Variants in IREB2 observed in about 807,000 individuals in gnomAD.
The protein encoded by IREB2 is iron-responsive element-binding protein 2.
Under a neutral mutation model 118.8 loss-of-function variants are expected in IREB2, and 39 were observed. That is an observed-to-expected ratio of 0.33 (90% CI 0.25 to 0.43). The LOEUF is 0.43. Among genes scored for constraint, IREB2 ranks in the 20% least tolerant of loss-of-function variants. IREB2 has a pLI of 1.00. For synonymous variants in IREB2, 372 were observed against 392.2 expected (o/e 0.95, Z 0.61); for missense variants, 900 against 1,147.3 (o/e 0.78, Z 3.11).
At position 78,499,375 on chromosome 15, in the gene IREB2, T is replaced by C. The variant is rs1406525682; in HGVS notation, c.*1232T>C. 1.3e-5 allele frequency: 2 copies of C among 152,210 alleles called. No homozygotes were observed. Among genetic ancestry groups the C allele is most frequent in the Non-Finnish European group, 2.9e-5 (2 of 68,030 alleles). 9.4% of individuals were successfully genotyped at this position (152,210 alleles called of 1,614,324 possible). On this transcript the variant is annotated 3_prime_UTR_variant, in exon 22 of 22. Transcript: ENST00000258886. ...TATAGAAGGTTCTATACTGTTTTTTTAATTAAGAAACTAAGTCTAGCAGGC... is the reference window on the plus strand; with the variant it reads ...TATAGAAGGTTCTATACTGTTTTTTCAATTAAGAAACTAAGTCTAGCAGGC...
chr15:78,450,730 C>G (rs746863535), intron 2 of IREB2, among the ~76,000 whole-genome samples: 8 of 152,016 alleles, frequency 5.3e-5, no homozygotes, highest in Non-Finnish European at 8.8e-5. Context: ...GTGCCTCAGT[C>G]CAGGTACTGG....
chr15:78,478,949 T>C (rs2051521566), intron 10 of IREB2, among the ~76,000 whole-genome samples: 1 of 152,182 alleles, frequency 6.6e-6, no homozygotes, highest in East Asian at 1.9e-4. Flanking sequence ...CTTTTTGTTT[T>C]GCTTTTTGAG....
intron 2 of IREB2, among the ~76,000 whole-genome samples, chr15:78,462,650 G>A (rs945221893): frequency 6.6e-6 from 1 of 152,052 alleles, no homozygotes; most frequent in African/African-American, 2.4e-5. Context: ...CATAGTTGCA[G>A]TATGATATTC....
At chr15:78,438,633 C>T (rs2050794096) in intron 1 of IREB2, 3 of 479,398 alleles carry the variant, frequency 6.3e-6, no homozygotes, top group Non-Finnish European at 1.1e-5. Flanking sequence ...TGGCCGCTGC[C>T]TGCTGCCAGC....
chr15:78,459,375 A>C (rs1308457651), intron 2 of IREB2, among the ~76,000 whole-genome samples: 1 of 151,232 alleles, frequency 6.6e-6, no homozygotes, highest in Non-Finnish European at 1.5e-5. Flanking sequence ...TTTGAGACAG[A>C]GTCTCGCTCT....
chr15:78,452,652 A>G (rs1438538942), intron 2 of IREB2, among the ~76,000 whole-genome samples: 1 of 152,134 alleles, frequency 6.6e-6, no homozygotes, highest in African/African-American at 2.4e-5. Flanking sequence ...CACACCTGTA[A>G]TCTCAGCACT....
At chr15:78,484,596 A>G (rs539135595) in intron 11 of IREB2, among the ~76,000 whole-genome samples, 165 bp from the exon 12 acceptor site, 7 of 152,370 alleles carry the variant, frequency 4.6e-5, no homozygotes, top group Admixed American at 4.6e-4. Context: ...TTTATGCTTC[A>G]GCTGAATTAC....
Position 78,485,769 on chromosome 15 carries a change from A to G in IREB2, c.1638A>G (p.Leu546=). ...LRVKPYIRTS[L]SPGSGMVTHY... is the part of the protein sequence containing the mutation. ...TTAAACCTTATATAAGAACAAGTTTATCTCCAGGCAGTGGGATGGTTACAC... is the reference window on the plus strand; with the variant it reads ...TTAAACCTTATATAAGAACAAGTTTGTCTCCAGGCAGTGGGATGGTTACAC... The change falls in exon 13 of 22, where the codon TTA becomes TTG. Residue 546 remains leucine, a synonymous_variant. Transcript: ENST00000258886. The G allele has an allele frequency of 1.9e-6, 3 of 1,614,044 alleles. No individual in the cohort carries two copies. The highest frequency in any genetic ancestry group is 2.2e-5 in the South Asian group (2 of 91,080).
chr15:78,437,801 G>A (rs1446461783), upstream of IREB2: 1 of 153,586 alleles, frequency 6.5e-6, no homozygotes, highest in East Asian at 1.9e-4. Context: ...TTGAAAACAC[G>A]CGTGTGGGCC....
intron 13 of IREB2, among the ~76,000 whole-genome samples, chr15:78,486,144 C>T (rs1161036102): frequency 1.3e-5 from 2 of 152,106 alleles, no homozygotes; most frequent in Admixed American, 1.3e-4. Context: ...GTGTAAGAAA[C>T]GATACCAAGT....
chr15:78,462,062 CTTA>C (rs2051206473), intron 2 of IREB2, among the ~76,000 whole-genome samples: 1 of 151,958 alleles, frequency 6.6e-6, no homozygotes, highest in Non-Finnish European at 1.5e-5. Context: ...ATTTGATGAT[CTTA>C]TGTTTATTTT....
Position 78,471,942 on chromosome 15 carries a change from T to G in IREB2, c.883+18T>G. ...GGGGTGGGGTAAGTAAATGACTAAA[T>G]ATATTTCATTTCTTTTGGGGTAAGG... On this transcript the variant is annotated intron_variant, in intron 7 of 21. Coordinates refer to ENST00000258886, the MANE Select transcript of IREB2 (RefSeq NM_004136.4). 6.6e-7 allele frequency: 1 copy of G among 1,504,540 alleles called. No homozygotes were observed. Among genetic ancestry groups the G allele is most frequent in the South Asian group, 1.4e-5 (1 of 73,188 alleles). The allele number at this position is 1,504,540 out of a possible 1,614,324, so 93.2% of individuals were successfully genotyped here.
chr15:78,497,944 TCATTAA>T (rs1299089199), intron 21 of IREB2, 83 bp from the exon 22 acceptor site: 3 of 701,452 alleles, frequency 4.3e-6, no homozygotes, highest in Non-Finnish European at 7.6e-6. Context: ...GCAAGTATAG[TCATTAA>T]ATATGAAGAC....
At chr15:78,452,602 G>A (rs2051043948) in intron 2 of IREB2, among the ~76,000 whole-genome samples, 1 of 152,118 alleles carries the variant, frequency 6.6e-6, no homozygotes, top group Non-Finnish European at 1.5e-5. Context: ...GGCCTACCTA[G>A]AAGTGTTAAG....
Position 78,490,459 on chromosome 15 carries a change from A to C in IREB2, c.2114A>C (p.Asp705Ala). The C allele has an allele frequency of 6.2e-7, 1 of 1,608,028 alleles. No homozygotes were observed. The highest frequency in any genetic ancestry group is 8.5e-7 in the Non-Finnish European group (1 of 1,178,406). Reference sequence around the variant, plus strand: ...CGGTGGAATTCCTTAGAAGCACCGGATTCAGTTTTGTTTCCATGGGACTTA... The same window carrying C: ...CGGTGGAATTCCTTAGAAGCACCGGCTTCAGTTTTGTTTCCATGGGACTTA... ...NKRWNSLEAP[D>A]SVLFPWDLKS... The change falls in exon 17 of 22, where the codon GAT becomes GCT. Residue 705 changes from aspartate (D) to alanine (A), a missense_variant. Coordinates refer to ENST00000258886, the MANE Select transcript of IREB2 (RefSeq NM_004136.4).
At chr15:78,488,988 A>C (rs763663325) in intron 16 of IREB2, among the ~76,000 whole-genome samples, 1 of 152,176 alleles carries the variant, frequency 6.6e-6, no homozygotes, top group Non-Finnish European at 1.5e-5. Flanking sequence ...GGGAGGCTGA[A>C]GCAGGTTGAT....
chr15:78,438,575 G>A, intron 1 of IREB2: 2 of 573,368 alleles, frequency 3.5e-6, no homozygotes, highest in South Asian at 4.2e-5. Context: ...ACACCCGCAG[G>A]GCGGGCCACC....
intron 13 of IREB2, 91 bp downstream of exon 13, chr15:78,485,931 T>C (rs909330330): frequency 9.2e-7 from 1 of 1,082,230 alleles, no homozygotes; most frequent in Non-Finnish European, 1.3e-6. Context: ...AAAGAGAAGA[T>C]AGAAAAAATA....
At chr15:78,472,390 A>G (rs761514687) in intron 7 of IREB2, among the ~76,000 whole-genome samples, 3 of 149,508 alleles carry the variant, frequency 2.0e-5, no homozygotes, top group Non-Finnish European at 4.4e-5. Context: ...TTTTGGAGAC[A>G]GCATCTTGCT....
Sources: allele counts gnomAD v4.1 joint callset (sites outside exome capture counted in the v4.1 genomes callset), GRCh38; gene constraint gnomAD v4.1.1; transcripts MANE v1.5; gene names NCBI Gene and HGNC (gene_info 2026-07-23, HGNC 2026-07-21).